The following DHX37 variants were observed in gnomAD, a reference collection of about 807,000 sequenced individuals.
The protein encoded by DHX37 is DEAH-box helicase 37.
A neutral mutation model predicts 134.3 loss-of-function variants in DHX37; 52 were observed. The ratio of observed to expected loss-of-function variants is 0.39; its 90% CI spans 0.31 to 0.49. The LOEUF (loss-of-function observed/expected upper bound fraction) is 0.49, where lower values mean the gene tolerates loss of function less well. Among genes scored for constraint, DHX37 ranks in the 20% least tolerant of loss-of-function variants. The pLI is 0.93. For synonymous variants in DHX37, 634 were observed against 670.7 expected, an observed-to-expected ratio of 0.95 and a Z score of 0.85; for missense variants, 1,344 against 1,580.8, an observed-to-expected ratio of 0.85 and a Z score of 2.54.
rs193120403 is a variant in DHX37 at position 124,965,587 on chromosome 12, C to A, written c.1735+81G>T. 4 of 1,468,280 alleles carry A rather than the reference C, an allele frequency of 2.7e-6. No individual in the cohort carries two copies. The African/African-American group carries it at 4.3e-5, about 16-fold the overall frequency. 91.0% of individuals were successfully genotyped at this position (1,468,280 alleles called of 1,614,324 possible). ...GACAAAGCTGCTAGAACCCCGGCCCCCGGGGGGCCCACAAGGGCTCTGGGC... is the reference window on the plus strand; with the variant it reads ...GACAAAGCTGCTAGAACCCCGGCCCACGGGGGGCCCACAAGGGCTCTGGGC... On this transcript the variant is annotated intron_variant, in intron 13 of 26. Coordinates refer to ENST00000308736, the MANE Select transcript of DHX37 (RefSeq NM_032656.4).
chr12:124,961,196 A>G (rs1306888868), intron 15 of DHX37, among the ~76,000 whole-genome samples: 1 of 117,386 alleles, frequency 8.5e-6, no homozygotes, highest in Non-Finnish European at 1.9e-5. Context: ...ACGCACACAC[A>G]CACATACACG....
intron 20 of DHX37, 192 bp from the exon 21 acceptor site, chr12:124,952,762 TCC>T: frequency 2.2e-6 from 1 of 447,198 alleles, no homozygotes; most frequent in Non-Finnish European, 3.8e-6. Flanking sequence ...CCCCATTCCC[TCC>T]TTCTCCCTTG....
At chr12:124,977,587 G>GCACCC in intron 4 of DHX37, 97 bp from the exon 5 acceptor site, 1 of 1,359,314 alleles carries the variant, frequency 7.4e-7, no homozygotes, top group Non-Finnish European at 9.6e-7. Flanking sequence ...GTGCTGAACA[G>GCACCC]ATGTGCCTGC....
chr12:124,964,378 A>G lies in DHX37; in HGVS notation c.2045+16T>C, dbSNP rs764789910. On this transcript the variant is annotated intron_variant, in intron 15 of 26. Transcript: ENST00000308736. The stretch of plus-strand genomic sequence containing the variant: ...GGCGGCACCAACGTCCCTGAGGAGG[A>G]GCCTGGGTGACCCACCTGTAGCAGT... The G allele has an allele frequency of 1.2e-6, 2 of 1,612,064 alleles. No homozygotes were observed. The highest frequency in any genetic ancestry group is 4.5e-5 in the East Asian group (2 of 44,858).
intron 1 of DHX37, among the ~76,000 whole-genome samples, chr12:124,988,417 T>C (rs1954915480): frequency 6.6e-6 from 1 of 152,172 alleles, no homozygotes; most frequent in Non-Finnish European, 1.5e-5. Flanking sequence ...ATGTTTATTC[T>C]TTGCCTGTCT....
intron 2 of DHX37, among the ~76,000 whole-genome samples, chr12:124,985,186 C>CA (rs1427514450): frequency 1.3e-5 from 2 of 152,120 alleles, no homozygotes; most frequent in Non-Finnish European, 2.9e-5. Flanking sequence ...CTAAGCCCCT[C>CA]AGTTTGTGGT....
At chr12:124,969,878 A>T (rs947639482) in intron 8 of DHX37, among the ~76,000 whole-genome samples, 1 of 151,606 alleles carries the variant, frequency 6.6e-6, no homozygotes, top group African/African-American at 2.4e-5. Flanking sequence ...CTGTGATTGC[A>T]CCGCTGCACT....
At chr12:124,974,325 C>T (rs1206183877) in intron 6 of DHX37, among the ~76,000 whole-genome samples, 1 of 151,840 alleles carries the variant, frequency 6.6e-6, no homozygotes, top group African/African-American at 2.4e-5. Flanking sequence ...TAGACGCATG[C>T]CAACTATGCA....
At position 124,950,745 on chromosome 12, in the gene DHX37, G is replaced by A. The variant is rs1566321046; in HGVS notation, c.2928C>T (p.Leu976=). The A allele has an allele frequency of 2.5e-6, 4 of 1,610,300 alleles. No individual in the cohort carries two copies. Among genetic ancestry groups the A allele is most frequent in the Non-Finnish European group, 3.4e-6 (4 of 1,179,064 alleles). Residue 976 remains leucine, a synonymous_variant, in exon 22 of 27, where the codon CTC becomes CTT. Transcript: ENST00000308736. The part of the protein sequence containing the change: ...IHPSSVLFKE[L]PEFVVYQEIV... Reference sequence around the variant, plus strand: ...TTTCCTGGTAGACCACAAACTCGGGGAGCTCTTTGAAAAGGACGGAGCTGG... The same window carrying A: ...TTTCCTGGTAGACCACAAACTCGGGAAGCTCTTTGAAAAGGACGGAGCTGG...
rs751963118 is a variant in DHX37 at position 124,960,432 on chromosome 12, A to G, written c.2046-9T>C. 4 of 1,607,598 alleles carry G rather than the reference A, an allele frequency of 2.5e-6. No homozygotes were observed. The highest frequency in any genetic ancestry group is 3.4e-6 in the Non-Finnish European group (4 of 1,174,410). ...CCGCAGATGAATACAGCCTGGATGG[A>G]GAGAAACCGGGACAACAAACACAAA... On this transcript the variant is annotated splice_polypyrimidine_tract_variant and intron_variant, in intron 15 of 26. Transcript: ENST00000308736.
At chr12:124,982,751 A>C in intron 2 of DHX37, 128 bp from the exon 3 acceptor site, 1 of 1,285,866 alleles carries the variant, frequency 7.8e-7, no homozygotes, top group Non-Finnish European at 1.1e-6. Flanking sequence ...TCAAATTGCA[A>C]TTCTACTGGT....
intron 15 of DHX37, among the ~76,000 whole-genome samples, chr12:124,961,432 A>G (rs1954262528): frequency 6.6e-6 from 1 of 152,072 alleles, no homozygotes; most frequent in African/African-American, 2.4e-5. Flanking sequence ...TATATAAAGA[A>G]CTTTTTTTGT....
intron 8 of DHX37, 106 bp downstream of exon 8, chr12:124,971,196 A>C: frequency 6.7e-7 from 1 of 1,495,712 alleles, no homozygotes; most frequent in Non-Finnish European, 9.0e-7. Flanking sequence ...TGCTCATGGC[A>C]GCAGCCCAGG....
intron 21 of DHX37, among the ~76,000 whole-genome samples, chr12:124,951,476 T>C (rs1953976660): frequency 6.6e-6 from 1 of 152,216 alleles, no homozygotes; most frequent in African/African-American, 2.4e-5. Context: ...AACTGGGGAC[T>C]CACAGCTTAC....
chr12:124,971,254 G>C (rs1374306747), intron 8 of DHX37, 48 bp downstream of exon 8: 1 of 1,588,854 alleles, frequency 6.3e-7, no homozygotes, highest in Non-Finnish European at 8.6e-7. Flanking sequence ...GACAGAGCTG[G>C]GGGGGGCCTA....
chr12:124,959,398 T>C (rs1486479473), intron 16 of DHX37, among the ~76,000 whole-genome samples: 1 of 151,794 alleles, frequency 6.6e-6, no homozygotes, highest in Non-Finnish European at 1.5e-5. Context: ...TTTTTTTGTA[T>C]TTTTAGTAGA....
At chr12:124,968,349 T>C (rs10846793) in intron 10 of DHX37, among the ~76,000 whole-genome samples, 185 bp downstream of exon 10, 104,354 of 152,112 alleles carry the variant, frequency 0.69, 36,245 homozygotes, top group East Asian at 0.85. Flanking sequence ...TGAAGCCTCA[T>C]AGTATTTGGA....
At chr12:124,970,360 A>C (rs1039522138) in intron 8 of DHX37, among the ~76,000 whole-genome samples, 3 of 152,248 alleles carry the variant, frequency 2.0e-5, no homozygotes, top group African/African-American at 7.2e-5. Flanking sequence ...AAACCACTGA[A>C]TTGTACATTT....
chr12:124,954,022 C>G (rs763395834), intron 19 of DHX37, 26 bp from the exon 20 acceptor site: 8 of 1,613,584 alleles, frequency 5.0e-6, no homozygotes, highest in Non-Finnish European at 5.9e-6. Context: ...GGGGCATGCT[C>G]TCTCTCTGAC....
Sources: allele counts gnomAD v4.1 joint callset (sites outside exome capture counted in the v4.1 genomes callset), GRCh38; gene constraint gnomAD v4.1.1; transcripts MANE v1.5; gene names NCBI Gene and HGNC (gene_info 2026-07-23, HGNC 2026-07-21).